The following DLGAP2 variants were observed in gnomAD, a reference collection of about 807,000 sequenced individuals.
DLGAP2 encodes DLG associated protein 2, also known as disks large-associated protein 2.
DLGAP2 carries 26 observed loss-of-function variants against 100.3 expected under a neutral mutation model. The observed-to-expected ratio is 0.26, with a 90% CI of 0.19 to 0.36. The LOEUF is 0.36. Among genes scored for constraint, DLGAP2 ranks in the 10% least tolerant of loss-of-function variants. DLGAP2 has a pLI of 1.00. For missense variants in DLGAP2, 1,858 were observed against 1,453.2 expected, an observed-to-expected ratio of 1.28 and a Z score of -4.53; for synonymous variants, 886 against 630.1, an observed-to-expected ratio of 1.41 and a Z score of -6.08.
At chr8:1,020,780 C>T (rs1236677540) in intron 2 of DLGAP2, among the ~76,000 whole-genome samples, 1 of 152,174 alleles carries the variant, frequency 6.6e-6, no homozygotes, top group Non-Finnish European at 1.5e-5. Flanking sequence ...GAGGGGAGAG[C>T]TGGGGCTCCA....
At chr8:1,585,002 T>A (rs1427620727) in intron 6 of DLGAP2, among the ~76,000 whole-genome samples, 4 of 151,312 alleles carry the variant, frequency 2.6e-5, no homozygotes, top group Non-Finnish European at 4.4e-5. Context: ...AAAGACAAAT[T>A]AAAAACTTCC....
chr8:1,114,793 T>G (rs1477493565), intron 2 of DLGAP2, among the ~76,000 whole-genome samples: 2 of 152,222 alleles, frequency 1.3e-5, no homozygotes, highest in African/African-American at 4.8e-5. Flanking sequence ...TGTTAGGTAG[T>G]TAATTTGAGA....
chr8:1,669,620 C>G, intron 9 of DLGAP2, 123 bp from the exon 10 acceptor site: 1 of 731,740 alleles, frequency 1.4e-6, no homozygotes, highest in Non-Finnish European at 2.5e-6. Context: ...GTGGAGCGTG[C>G]TGAGAGCCGG....
chr8:1,194,010 C>A (rs145589093), intron 2 of DLGAP2, among the ~76,000 whole-genome samples: 1 of 152,140 alleles, frequency 6.6e-6, no homozygotes, highest in Non-Finnish European at 1.5e-5. Context: ...TGAAATTTCT[C>A]CTTGGCATTA....
At chr8:897,736 T>G (rs535902528) in intron 1 of DLGAP2, among the ~76,000 whole-genome samples, 2 of 151,610 alleles carry the variant, frequency 1.3e-5, no homozygotes, top group Non-Finnish European at 2.9e-5. Flanking sequence ...GAGTTTCGGG[T>G]GAGCCAGAAG....
chr8:1,557,589 A>G (rs1199382602), intron 5 of DLGAP2, among the ~76,000 whole-genome samples: 3 of 151,974 alleles, frequency 2.0e-5, no homozygotes, highest in Non-Finnish European at 4.4e-5. Context: ...GTGGTGCGTG[A>G]GTCAGCTCGG....
At chr8:1,117,575 G>A (rs564661438) in intron 2 of DLGAP2, among the ~76,000 whole-genome samples, 1 of 152,212 alleles carries the variant, frequency 6.6e-6, no homozygotes, top group South Asian at 2.1e-4. Context: ...ACAGGCTCAT[G>A]GTGGGAAGAT....
intron 2 of DLGAP2, among the ~76,000 whole-genome samples, chr8:1,174,133 G>A (rs1362875658): frequency 6.6e-6 from 1 of 152,148 alleles, no homozygotes; most frequent in Non-Finnish European, 1.5e-5. Flanking sequence ...GGAGATCTAA[G>A]TCGGGCTGGA....
chr8:1,059,366 T>G (rs1189186783), intron 2 of DLGAP2, among the ~76,000 whole-genome samples: 1 of 152,020 alleles, frequency 6.6e-6, no homozygotes, highest in African/African-American at 2.4e-5. Flanking sequence ...GGCATATTCC[T>G]TAGGAACACA....
intron 1 of DLGAP2, among the ~76,000 whole-genome samples, chr8:774,229 T>C (rs2132612987): frequency 6.6e-6 from 1 of 152,338 alleles, no homozygotes; most frequent in South Asian, 2.1e-4. Flanking sequence ...TTTGAGTTCA[T>C]TGTAGATTCT....
chr8:1,298,774 T>G (rs1176699396), intron 3 of DLGAP2, among the ~76,000 whole-genome samples: 2 of 152,202 alleles, frequency 1.3e-5, no homozygotes, highest in African/African-American at 4.8e-5. Context: ...ACTAAAGACT[T>G]CTATTTGCAA....
chr8:1,072,378 T>G (rs1457126991), intron 2 of DLGAP2, among the ~76,000 whole-genome samples: 2 of 152,240 alleles, frequency 1.3e-5, no homozygotes, highest in African/African-American at 4.8e-5. Context: ...TCACATGTGG[T>G]CATCCAATGA....
intron 2 of DLGAP2, among the ~76,000 whole-genome samples, chr8:1,112,645 A>C (rs573231787): frequency 6.6e-6 from 1 of 152,246 alleles, no homozygotes; most frequent in East Asian, 1.9e-4. Context: ...GTTTGCAAAT[A>C]TTTTCTCCCA....
At chr8:1,363,252 G>A (rs1471377288) in intron 3 of DLGAP2, among the ~76,000 whole-genome samples, 4 of 152,198 alleles carry the variant, frequency 2.6e-5, no homozygotes, top group Non-Finnish European at 4.4e-5. Flanking sequence ...GCAGCATCCC[G>A]AAAGCGCCCC....
chr8:1,278,549 A>C (rs1799752943), intron 3 of DLGAP2, among the ~76,000 whole-genome samples: 1 of 152,326 alleles, frequency 6.6e-6, no homozygotes, highest in South Asian at 2.1e-4. Flanking sequence ...TGAATCTTTA[A>C]AAATCAGGTT....
At chr8:1,175,950 C>T (rs578170818) in intron 2 of DLGAP2, among the ~76,000 whole-genome samples, 33 of 152,286 alleles carry the variant, frequency 2.2e-4, no homozygotes, top group Middle Eastern at 3.4e-3. Context: ...GAGGACAAAG[C>T]GATTCGCAGA....
chr8:1,477,604 C>G (rs1483254907), intron 3 of DLGAP2, among the ~76,000 whole-genome samples: 1 of 152,198 alleles, frequency 6.6e-6, no homozygotes, highest in African/African-American at 2.4e-5. Context: ...CCTCACAGCT[C>G]ACCTGTCTGT....
chr8:980,191 C>T (rs1046101519), intron 2 of DLGAP2, among the ~76,000 whole-genome samples: 1 of 152,120 alleles, frequency 6.6e-6, no homozygotes, highest in African/African-American at 2.4e-5. Flanking sequence ...TCAGGCCAGA[C>T]TTTGTGATTT....
At chr8:1,506,481 C>A (rs1048675249) in intron 4 of DLGAP2, among the ~76,000 whole-genome samples, 1 of 152,174 alleles carries the variant, frequency 6.6e-6, no homozygotes, top group Non-Finnish European at 1.5e-5. Context: ...AGGAGTGAAG[C>A]TGCAGATCTT....
Sources: allele counts gnomAD v4.1 joint callset (sites outside exome capture counted in the v4.1 genomes callset), GRCh38; gene constraint gnomAD v4.1.1; transcripts MANE v1.5; gene names NCBI Gene and HGNC (gene_info 2026-07-23, HGNC 2026-07-21).